The following COL27A1 variants were observed in gnomAD, a reference collection of about 807,000 sequenced individuals.
COL27A1 encodes collagen alpha-1(XXVII) chain.
COL27A1 carries 106 observed loss-of-function variants against 251.3 expected under a neutral mutation model. That is an observed-to-expected ratio of 0.42 (90% CI 0.36 to 0.50). COL27A1 has a LOEUF of 0.50. COL27A1 is among the 20% of genes least tolerant of loss of function. COL27A1 has a pLI of 0.00. For missense variants in COL27A1, 2,325 were observed against 2,522.8 expected (o/e 0.92, Z 1.68); for synonymous variants, 1,000 against 986.3 (o/e 1.01, Z -0.26).
At chr9:114,282,057 C>T (rs1268324907) in intron 37 of COL27A1, among the ~76,000 whole-genome samples, 1 of 152,178 alleles carries the variant, frequency 6.6e-6, no homozygotes, top group African/African-American at 2.4e-5. Context: ...ATCGCCAGGT[C>T]GAATCCCTAA....
At chr9:114,201,479 C>G (rs1031292929) in intron 7 of COL27A1, among the ~76,000 whole-genome samples, 1 of 152,228 alleles carries the variant, frequency 6.6e-6, no homozygotes, top group Non-Finnish European at 1.5e-5. Context: ...TATGCTCGCT[C>G]TTCTGCTCCT....
In COL27A1 at chr9:114,230,926, T is replaced by C. The variant is rs142323079; in HGVS notation, c.2467-153T>C. Among the ~76,000 whole-genome samples, 395 of 152,334 alleles carry C rather than the reference T, an allele frequency of 2.6e-3. 7 individuals carry two copies. Among genetic ancestry groups the C allele is most frequent in the African/African-American group, 8.9e-3 (372 of 41,568 alleles). On this transcript the variant is annotated intron_variant, in intron 14 of 60. Coordinates refer to ENST00000356083, the MANE Select transcript of COL27A1 (RefSeq NM_032888.4). ...ATTCCAGCACTTTAGTGAAGGTCTC[T>C]GGATGAAGAACATTCCAGATTCCAA...
chr9:114,184,139 T>C (rs1417922500), intron 5 of COL27A1, among the ~76,000 whole-genome samples: 2 of 152,170 alleles, frequency 1.3e-5, no homozygotes, highest in East Asian at 3.8e-4. Flanking sequence ...GATGGGCTCC[T>C]GACTCAGGGG....
Position 114,239,151 on chromosome 9 carries a change from A to G in COL27A1, c.2728-1069A>G, listed in dbSNP as rs531264718. Among the ~76,000 whole-genome samples the G allele has an allele frequency of 5.3e-5, 8 of 152,312 alleles. No individual in the cohort carries two copies. In the East Asian group the frequency reaches 7.7e-4, roughly 15 times the overall value. Reference sequence around the variant, plus strand: ...CCTGCCTGCTTCTTTCCCTGAGACCATGGGAGGGAGCTCCAGCTCTCCAGC... The same window carrying G: ...CCTGCCTGCTTCTTTCCCTGAGACCGTGGGAGGGAGCTCCAGCTCTCCAGC... On this transcript the variant is annotated intron_variant, in intron 19 of 60. Transcript: ENST00000356083.
At chr9:114,193,518 A>G (rs1828893638) in intron 5 of COL27A1, among the ~76,000 whole-genome samples, 1 of 152,144 alleles carries the variant, frequency 6.6e-6, no homozygotes, top group African/African-American at 2.4e-5. Flanking sequence ...CAGGTCTGGG[A>G]GTCACCAGTC....
At position 114,266,577 on chromosome 9, in the gene COL27A1, C is replaced by A. The variant is rs199763065; in HGVS notation, c.3406C>A (p.Pro1136Thr). ...GLPGEPGPQG[P>T]QGPIGPPGEM... ...GTCTGTCTTCCAGGGCCCTCAGGGA[C>A]CCCAGGGGCCAATTGGGCCTCCAGG... The change falls in exon 33 of 61, where the codon CCC (proline) becomes ACC (threonine). Residue 1136 changes from proline (P) to threonine (T), a missense_variant. By Grantham distance (38) the Pro-to-Thr change is conservative (BLOSUM62 -1). Around this residue, in one of 4 missense-constraint regions of COL27A1, gnomAD observed 662 missense variants for 795.3 expected, o/e 0.83. Coordinates refer to ENST00000356083, the MANE Select transcript of COL27A1 (RefSeq NM_032888.4). 199 of 1,613,712 alleles carry A rather than the reference C, an allele frequency of 1.2e-4. 1 individual carries two copies. The South Asian group carries it at 1.4e-3, about 12-fold the overall frequency.
At chr9:114,228,034 T>G (rs1588705146) in intron 14 of COL27A1, among the ~76,000 whole-genome samples, 1 of 151,916 alleles carries the variant, frequency 6.6e-6, no homozygotes, top group Non-Finnish European at 1.5e-5. Context: ...CAGGCAGGGG[T>G]CTCTCTTCCA....
At chr9:114,227,384 CAGAT>C (rs1466744839) in intron 14 of COL27A1, among the ~76,000 whole-genome samples, 1 of 146,146 alleles carries the variant, frequency 6.8e-6, no homozygotes, top group Non-Finnish European at 1.5e-5. Flanking sequence ...GACAGACAGA[CAGAT>C]GGATGGACAG....
At chr9:114,307,641 C>G in intron 58 of COL27A1, 28 bp from the exon 59 acceptor site, 2 of 1,478,726 alleles carry the variant, frequency 1.4e-6, no homozygotes, top group Non-Finnish European at 1.9e-6. Context: ...CAGATACATA[C>G]ATCACCTCCA....
At chr9:114,309,568 A>G in intron 60 of COL27A1, 90 bp downstream of exon 60, 1 of 922,042 alleles carries the variant, frequency 1.1e-6, no homozygotes, top group South Asian at 1.6e-5. Flanking sequence ...ATAAGATTAT[A>G]TCTAACATTT....
chr9:114,168,567 C>G lies in COL27A1; in HGVS notation c.1012C>G (p.Pro338Ala), dbSNP rs750717818. Reference protein sequence around the residue: ...SASNALDPMLPASVGGSTRTP... With the variant: ...SASNALDPMLAASVGGSTRTP... The stretch of plus-strand genomic sequence containing the variant: ...CAGTAACGCACTTGATCCCATGCTC[C>G]CAGCCTCTGTTGGCGGCTCTACCAG... Residue 338 changes from proline (P) to alanine (A), a missense_variant, in exon 3 of 61, where the codon CCA (proline) becomes GCA (alanine). Physicochemically the swap from Pro to Ala is conservative, Grantham distance 27 (BLOSUM62 -1). Transcript: ENST00000356083. The G allele has an allele frequency of 1.2e-6, 2 of 1,614,154 alleles. No homozygotes were observed. The highest frequency in any genetic ancestry group is 4.5e-5 in the East Asian group (2 of 44,872).
intron 25 of COL27A1, 143 bp from the exon 26 acceptor site, chr9:114,252,450 A>G: frequency 1.5e-6 from 1 of 689,548 alleles, no homozygotes; most frequent in Non-Finnish European, 2.6e-6. Context: ...TGATGTGGCC[A>G]TGAACTAGGC....
At chr9:114,303,236 T>A (rs1017835005) in intron 56 of COL27A1, among the ~76,000 whole-genome samples, 1 of 142,610 alleles carries the variant, frequency 7.0e-6, no homozygotes, top group Non-Finnish European at 1.6e-5. Flanking sequence ...TCTTTTTTTT[T>A]CTTTTCTTTT....
chr9:114,216,852 A>G (rs1291209008), intron 12 of COL27A1, among the ~76,000 whole-genome samples: 7 of 152,068 alleles, frequency 4.6e-5, no homozygotes, highest in Non-Finnish European at 1.0e-4. Flanking sequence ...CAATCATGCC[A>G]TTCCTTTTTG....
chr9:114,305,553 C>T (rs1031262964), intron 57 of COL27A1, among the ~76,000 whole-genome samples: 1 of 152,168 alleles, frequency 6.6e-6, no homozygotes, highest in Non-Finnish European at 1.5e-5. Flanking sequence ...GCTTATTTCT[C>T]GTGCACGTAA....
At chr9:114,206,658 C>G (rs1440603209) in intron 10 of COL27A1, among the ~76,000 whole-genome samples, 7 of 152,200 alleles carry the variant, frequency 4.6e-5, no homozygotes, top group Non-Finnish European at 1.0e-4. Context: ...AGGCCTCCCT[C>G]CTGCTCCCAA....
At chr9:114,259,806 G>C (rs1834186101) in intron 28 of COL27A1, among the ~76,000 whole-genome samples, 1 of 152,208 alleles carries the variant, frequency 6.6e-6, no homozygotes, top group African/African-American at 2.4e-5. Context: ...GGTGGTGCCG[G>C]CAGCCCAGGC....
At chr9:114,191,475 GT>G (rs1418853830) in intron 5 of COL27A1, among the ~76,000 whole-genome samples, 8 of 152,098 alleles carry the variant, frequency 5.3e-5, no homozygotes, top group African/African-American at 1.9e-4. Flanking sequence ...GTGCGTCCAT[GT>G]GTTCTCATTG....
chr9:114,162,648 C>G, intron 1 of COL27A1, 67 bp from the exon 2 acceptor site: 2 of 1,238,126 alleles, frequency 1.6e-6, no homozygotes, highest in Non-Finnish European at 2.4e-6. Context: ...TCCCAGCTTC[C>G]CCAGCCGGAT....
Sources: gnomAD v4.1 joint callset for allele counts (sites outside exome capture counted in the v4.1 genomes callset) on GRCh38, gnomAD v4.1.1 for gene constraint, gnomAD v4.1.1 regional missense constraint, MANE v1.5 for transcripts, NCBI Gene and HGNC (gene_info 2026-07-23, HGNC 2026-07-21) for gene names.